SUMF1: variants seen among roughly 807,000 people sequenced by gnomAD.
The protein encoded by SUMF1 is formylglycine-generating enzyme.
A neutral mutation model predicts 47.6 loss-of-function variants in SUMF1; 48 were observed. The observed-to-expected ratio is 1.01, with a 90% CI of 0.80 to 1.28. SUMF1 has a LOEUF of 1.28. SUMF1 is among the 50% of genes most tolerant of loss of function. The probability of loss-of-function intolerance (pLI) is 0.00; values close to 1 mark genes in which losing one functional copy is unlikely to be tolerated. For missense variants in SUMF1, 571 were observed against 485.4 expected (o/e 1.18, Z -1.66); for synonymous variants, 230 against 192.1 (o/e 1.20, Z -1.63).
Position 4,362,935 on chromosome 3 carries a change from T to C in SUMF1, c.1015-681A>G, listed in dbSNP as rs142478315. ...TGTCCAAAAAAAGAAAAAAAAACAG[T>C]TAAAATGAAAAAGGCAGAATATAAA... On this transcript the variant is annotated intron_variant, in intron 8 of 8. Transcript: ENST00000272902. Among the ~76,000 whole-genome samples, 46 of 151,948 alleles carry C rather than the reference T, an allele frequency of 3.0e-4. No individual in the cohort carries two copies. The East Asian group carries it at 8.1e-3, about 27-fold the overall frequency.
At chr3:4,235,902 G>A (rs891434706) in intron 8 of SUMF1, among the ~76,000 whole-genome samples, 2 of 152,058 alleles carry the variant, frequency 1.3e-5, no homozygotes, top group Non-Finnish European at 2.9e-5. Flanking sequence ...TGGCAGTGAT[G>A]AAGCATTAAA....
intron 3 of SUMF1, among the ~76,000 whole-genome samples, chr3:4,433,272 A>C (rs143935390): frequency 1.3e-5 from 2 of 152,368 alleles, no homozygotes; most frequent in Non-Finnish European, 2.9e-5. Context: ...ATTTAAGGTC[A>C]CATTAAACAG....
intron 8 of SUMF1, among the ~76,000 whole-genome samples, chr3:4,219,464 C>G (rs1178627919): frequency 6.6e-6 from 1 of 152,130 alleles, no homozygotes; most frequent in East Asian, 1.9e-4. Context: ...TGTTTGCACA[C>G]TCAACTCAAA....
At chr3:4,184,930 G>A (rs139290711) in intron 8 of SUMF1, among the ~76,000 whole-genome samples, 3 of 152,008 alleles carry the variant, frequency 2.0e-5, no homozygotes, top group East Asian at 3.9e-4. Context: ...GATTACAGGC[G>A]TGAGCCACCG....
intron 8 of SUMF1, among the ~76,000 whole-genome samples, chr3:4,151,719 C>CA (rs1406630901): frequency 5.4e-5 from 8 of 147,054 alleles, no homozygotes; most frequent in Admixed American, 4.0e-4. Context: ...AAAAAAATCA[C>CA]AAAAAAATCT....
chr3:4,231,659 C>T (rs1007446199), intron 8 of SUMF1, among the ~76,000 whole-genome samples: 1 of 152,134 alleles, frequency 6.6e-6, no homozygotes, highest in Non-Finnish European at 1.5e-5. Flanking sequence ...GCAGAACAGC[C>T]TTCTGTTAAG....
chr3:4,085,383 T>G (rs924673571), intron 8 of SUMF1, among the ~76,000 whole-genome samples: 11 of 152,042 alleles, frequency 7.2e-5, no homozygotes, highest in African/African-American at 2.7e-4. Flanking sequence ...GGACCAGAGC[T>G]TAGACAATAG....
At chr3:4,168,362 A>G (rs1363520204) in intron 8 of SUMF1, among the ~76,000 whole-genome samples, 1 of 152,182 alleles carries the variant, frequency 6.6e-6, no homozygotes, top group Non-Finnish European at 1.5e-5. Context: ...GGATAAATAT[A>G]AAACTCTTTA....
At chr3:4,168,696 G>C (rs1401798904) in intron 8 of SUMF1, among the ~76,000 whole-genome samples, 1 of 152,000 alleles carries the variant, frequency 6.6e-6, no homozygotes, top group Non-Finnish European at 1.5e-5. Context: ...TAATTATATT[G>C]AGCAAGTCAT....
intron 3 of SUMF1, among the ~76,000 whole-genome samples, chr3:4,445,263 G>GA (rs1268016592): frequency 6.6e-6 from 1 of 152,024 alleles, no homozygotes; most frequent in East Asian, 1.9e-4. Context: ...AAAGCTGTTG[G>GA]AAAAAAAGAT....
intron 8 of SUMF1, among the ~76,000 whole-genome samples, chr3:4,263,174 G>T (rs1266320778): frequency 6.6e-6 from 1 of 152,168 alleles, no homozygotes; most frequent in Non-Finnish European, 1.5e-5. Context: ...TCTCCAATCT[G>T]TAATATTAGG....
At chr3:4,409,119 C>T (rs903771540) in intron 7 of SUMF1, among the ~76,000 whole-genome samples, 5 of 151,998 alleles carry the variant, frequency 3.3e-5, no homozygotes, top group Admixed American at 6.6e-5. Context: ...CACAATGTGG[C>T]AAAGAGAGGG....
rs749318590 is a variant in SUMF1, at chr3:4,362,179, G to T, written c.1090C>A (p.Arg364Ser). 1 of 1,614,048 alleles carries T rather than the reference G, an allele frequency of 6.2e-7. No individual in the cohort carries two copies. Among genetic ancestry groups the T allele is most frequent in the African/African-American group, 1.3e-5 (1 of 74,942 alleles). Reference sequence around the variant, plus strand: ...GTGGGCAGGCGGTCGGCTGCACAGCGGAATCCCAGATTCGAAGCAGAGCTA... The same window carrying T: ...GTGGGCAGGCGGTCGGCTGCACAGCTGAATCCCAGATTCGAAGCAGAGCTA... ...PDSSASNLGF[R>S]CAADRLPTMD The change falls in exon 9 of 9, where the codon CGC becomes AGC. Residue 364 changes from arginine to serine, a missense_variant. Physicochemically the swap from Arg to Ser is moderately radical, Grantham distance 110 (BLOSUM62 -1). Coordinates refer to ENST00000272902, the MANE Select transcript of SUMF1 (RefSeq NM_182760.4).
intron 8 of SUMF1, among the ~76,000 whole-genome samples, chr3:4,276,502 T>G (rs1697420353): frequency 6.6e-6 from 1 of 152,186 alleles, no homozygotes; most frequent in Non-Finnish European, 1.5e-5. Context: ...TTGAAAATCA[T>G]TTGTACCACC....
chr3:4,237,953 C>G (rs1485776597), intron 8 of SUMF1, among the ~76,000 whole-genome samples: 3 of 151,982 alleles, frequency 2.0e-5, no homozygotes, highest in Non-Finnish European at 2.9e-5. Context: ...CCAACAGGCC[C>G]CAGTGTGTAA....
At chr3:4,316,605 C>T in intron 8 of SUMF1, 2 of 1,551,240 alleles carry the variant, frequency 1.3e-6, no homozygotes, top group South Asian at 1.2e-5. Context: ...AAAAAATCGT[C>T]GTTTTGAAGT....
intron 8 of SUMF1, among the ~76,000 whole-genome samples, chr3:4,262,587 C>A (rs1320572863): frequency 6.6e-6 from 1 of 152,148 alleles, no homozygotes; most frequent in Non-Finnish European, 1.5e-5. Flanking sequence ...TCCATTCTTA[C>A]CCAAGACATA....
chr3:4,168,361 T>C (rs1694758195), intron 8 of SUMF1, among the ~76,000 whole-genome samples: 1 of 152,156 alleles, frequency 6.6e-6, no homozygotes, highest in Non-Finnish European at 1.5e-5. Flanking sequence ...AGGATAAATA[T>C]AAAACTCTTT....
intron 8 of SUMF1, among the ~76,000 whole-genome samples, chr3:4,256,741 T>A (rs562691097): frequency 2.0e-5 from 3 of 151,982 alleles, no homozygotes; most frequent in Non-Finnish European, 4.4e-5. Context: ...ATAGAGGGAA[T>A]CCTCCCTAAC....
Sources: allele counts gnomAD v4.1 joint callset (sites outside exome capture counted in the v4.1 genomes callset), GRCh38; gene constraint gnomAD v4.1.1; transcripts MANE v1.5; gene names NCBI Gene and HGNC (gene_info 2026-07-23, HGNC 2026-07-21).